Variants in CAMKMT observed in about 807,000 individuals in gnomAD.
The protein encoded by CAMKMT is calmodulin-lysine N-methyltransferase, also known as CaM KMT.
CAMKMT carries 53 observed loss-of-function variants against 48.0 expected under a neutral mutation model. That is an observed-to-expected ratio of 1.10 (90% confidence interval 0.89 to 1.39). The LOEUF (loss-of-function observed/expected upper bound fraction) is 1.39. Among genes scored for constraint, CAMKMT ranks in the 40% most tolerant of loss-of-function variants. The pLI is 0.00. For synonymous variants in CAMKMT, 165 were observed against 152.3 expected (o/e 1.08, Z -0.61); for missense variants, 428 against 402.7 (o/e 1.06, Z -0.54).
At chr2:44,603,523 T>C (rs1671119642) in intron 3 of CAMKMT, among the ~76,000 whole-genome samples, 1 of 152,212 alleles carries the variant, frequency 6.6e-6, no homozygotes, top group Admixed American at 6.5e-5. Flanking sequence ...AAATACTTTA[T>C]TTGCTTTTGA....
intron 3 of CAMKMT, among the ~76,000 whole-genome samples, chr2:44,674,305 T>C (rs573660709): frequency 1.6e-3 from 239 of 152,340 alleles, no homozygotes; most frequent in African/African-American, 5.5e-3. Flanking sequence ...TATTTTGATA[T>C]TATAAACTTG....
At chr2:44,529,760 T>G (rs907802010) in intron 3 of CAMKMT, among the ~76,000 whole-genome samples, 2 of 152,212 alleles carry the variant, frequency 1.3e-5, no homozygotes, top group African/African-American at 4.8e-5. Flanking sequence ...GTCCTAAGTG[T>G]CAAATTGCTG....
intron 3 of CAMKMT, among the ~76,000 whole-genome samples, chr2:44,440,138 A>T (rs1032839450): frequency 1.3e-5 from 2 of 152,152 alleles, no homozygotes; most frequent in East Asian, 3.8e-4. Flanking sequence ...GTTTACTTAT[A>T]CAGGTCTTAT....
intron 3 of CAMKMT, among the ~76,000 whole-genome samples, chr2:44,403,197 G>C (rs1175837312): frequency 6.6e-6 from 1 of 152,154 alleles, no homozygotes; most frequent in Non-Finnish European, 1.5e-5. Flanking sequence ...TTTTGAGTTT[G>C]CTGCTTTGGG....
At chr2:44,592,006 T>C (rs1670315971) in intron 3 of CAMKMT, among the ~76,000 whole-genome samples, 2 of 145,982 alleles carry the variant, frequency 1.4e-5, no homozygotes, top group South Asian at 4.2e-4. Flanking sequence ...AGGTGGGAAT[T>C]GAGCAATGAG....
At chr2:44,743,000 T>C (rs1394594687) in intron 7 of CAMKMT, among the ~76,000 whole-genome samples, 2 of 152,228 alleles carry the variant, frequency 1.3e-5, no homozygotes, top group East Asian at 1.9e-4. Flanking sequence ...GTTGGCCTCA[T>C]AAGCATTAGT....
intron 3 of CAMKMT, among the ~76,000 whole-genome samples, chr2:44,594,819 A>G (rs1039649677): frequency 6.6e-6 from 1 of 152,218 alleles, no homozygotes; most frequent in Non-Finnish European, 1.5e-5. Flanking sequence ...AGTGGGATCT[A>G]ATTAAATGAA....
intron 1 of CAMKMT, chr2:44,370,117 G>A (rs1478962592): frequency 1.3e-5 from 2 of 152,118 alleles, no homozygotes; most frequent in African/African-American, 4.8e-5. Flanking sequence ...TTTAACCTTG[G>A]GTTTGACTCT....
chr2:44,692,511 T>C (rs1676718259), intron 3 of CAMKMT, among the ~76,000 whole-genome samples: 1 of 152,254 alleles, frequency 6.6e-6, no homozygotes, highest in South Asian at 2.1e-4. Context: ...TACTTGTGTC[T>C]ATTTTCCCTA....
intron 3 of CAMKMT, among the ~76,000 whole-genome samples, chr2:44,594,209 T>A (rs1312491202): frequency 3.3e-5 from 5 of 151,996 alleles, no homozygotes; most frequent in Non-Finnish European, 7.4e-5. Context: ...ATAGGAAGAG[T>A]CAATATTGTG....
chr2:44,461,627 T>C (rs786417), intron 3 of CAMKMT, among the ~76,000 whole-genome samples: 117,896 of 152,136 alleles, frequency 0.77, 45,893 homozygotes, highest in South Asian at 0.88. Context: ...TGAACCTGGG[T>C]TATAGAGGGT....
intron 9 of CAMKMT, among the ~76,000 whole-genome samples, chr2:44,755,707 T>C (rs1314227152): frequency 2.0e-5 from 3 of 152,212 alleles, no homozygotes; most frequent in African/African-American, 7.2e-5. Context: ...CCAGCAGCTC[T>C]TCTGTACCCT....
chr2:44,674,302 A>G (rs1173237949), intron 3 of CAMKMT, among the ~76,000 whole-genome samples: 3 of 152,166 alleles, frequency 2.0e-5, no homozygotes, highest in Non-Finnish European at 4.4e-5. Context: ...TTGTATTTTG[A>G]TATTATAAAC....
intron 3 of CAMKMT, among the ~76,000 whole-genome samples, chr2:44,695,311 A>C (rs1676878646): frequency 1.3e-5 from 2 of 152,150 alleles, no homozygotes; most frequent in Admixed American, 1.3e-4. Context: ...AGGGAACATA[A>C]GAACCTTGGG....
chr2:44,429,281 G>A (rs199935156), intron 3 of CAMKMT, among the ~76,000 whole-genome samples: 1,042 of 28,682 alleles, frequency 0.036, 6 homozygotes, highest in African/African-American at 0.057. Flanking sequence ...GTGTGTATGT[G>A]TGTGTGTGTG....
chr2:44,652,452 G>A (rs1297896321), intron 3 of CAMKMT, among the ~76,000 whole-genome samples: 1 of 152,146 alleles, frequency 6.6e-6, no homozygotes, highest in Non-Finnish European at 1.5e-5. Flanking sequence ...TCTCTTTGGG[G>A]GTGTGAGAAG....
At chr2:44,646,512 A>G (rs1373978899) in intron 3 of CAMKMT, among the ~76,000 whole-genome samples, 1 of 152,146 alleles carries the variant, frequency 6.6e-6, no homozygotes, top group Non-Finnish European at 1.5e-5. Flanking sequence ...AATAAAACCT[A>G]GTAGATTATT....
chr2:44,741,487 A>C (rs1383050513), intron 7 of CAMKMT, among the ~76,000 whole-genome samples: 1 of 152,250 alleles, frequency 6.6e-6, no homozygotes. Context: ...CCCATCTTAC[A>C]GATCAGAAAA....
At chr2:44,540,905 T>C (rs1667072409) in intron 3 of CAMKMT, among the ~76,000 whole-genome samples, 1 of 152,262 alleles carries the variant, frequency 6.6e-6, no homozygotes, top group African/African-American at 2.4e-5. Flanking sequence ...TGATGTAAGA[T>C]ATGTGTCTAA....
Sources: allele counts gnomAD v4.1 joint callset (sites outside exome capture counted in the v4.1 genomes callset), GRCh38; gene constraint gnomAD v4.1.1; transcripts MANE v1.5; gene names NCBI Gene and HGNC (gene_info 2026-07-23, HGNC 2026-07-21).